CYRIB: variants seen among roughly 807,000 people sequenced by gnomAD.
The protein encoded by CYRIB is CYFIP related Rac1 interactor B.
Under a neutral mutation model 44.2 loss-of-function variants are expected in CYRIB, and 8 were observed. That is an observed-to-expected ratio of 0.18 (90% confidence interval 0.11 to 0.33). The LOEUF (loss-of-function observed/expected upper bound fraction) is 0.33, where lower values mean the gene tolerates loss of function less well. Ranked by LOEUF, CYRIB falls within the 10% of genes least tolerant of loss-of-function variation. CYRIB has a pLI of 1.00. For synonymous variants in CYRIB, 131 were observed against 127.2 expected (o/e 1.03, Z -0.20); for missense variants, 185 against 382.8 (o/e 0.48, Z 4.31).
At chr8:129,913,017 G>C (rs1446329808) in intron 1 of CYRIB, among the ~76,000 whole-genome samples, 1 of 149,232 alleles carries the variant, frequency 6.7e-6, no homozygotes, top group African/African-American at 2.5e-5. Context: ...TGTCACCCAG[G>C]CTGGAGTGCA....
At chr8:129,967,971 T>C (rs1277934735) in intron 2 of CYRIB, among the ~76,000 whole-genome samples, 2 of 152,186 alleles carry the variant, frequency 1.3e-5, no homozygotes, top group Non-Finnish European at 2.9e-5. Context: ...CTTGGTGATT[T>C]CCCATAGTAT....
Position 129,888,477 on chromosome 8 carries a change from T to C in CYRIB, c.-10-9006A>G, listed in dbSNP as rs140617472. Among the ~76,000 whole-genome samples the C allele has an allele frequency of 5.9e-5, 9 of 152,268 alleles. No homozygotes were observed. In the East Asian group the frequency reaches 1.4e-3, roughly 23 times the overall value. ...CGACACACTCTGGCCTCATCTTTCT[T>C]TACTCTCCACTGCACACATGCGCAT... On this transcript the variant is annotated intron_variant, in intron 2 of 11. Coordinates refer to ENST00000519824, the Ensembl canonical transcript of CYRIB.
intron 1 of CYRIB, among the ~76,000 whole-genome samples, chr8:129,923,610 C>T (rs2085297695): frequency 6.6e-6 from 1 of 152,032 alleles, no homozygotes. Context: ...ATACACTTCC[C>T]TCACACGTCA....
chr8:129,954,326 G>C (rs951467665), intron 2 of CYRIB, among the ~76,000 whole-genome samples: 1 of 152,114 alleles, frequency 6.6e-6, no homozygotes, highest in East Asian at 1.9e-4. Context: ...AGGTTCAAGC[G>C]ATTCTCCTGC....
Position 129,924,314 on chromosome 8 carries a change from G to GGGGGGGA in CYRIB, c.-50+15293_-50+15294insTCCCCCC, listed in dbSNP as rs1554645242. ...ACCGGGGGGGGGGGGGGTGGCGGGG[G>GGGGGGGA]GGGTGTTACTTACCTCACATCAGTG... is the stretch of plus-strand genomic sequence containing the variant. On this transcript the variant is annotated intron_variant, in intron 1 of 11. Coordinates refer to ENST00000519824, the Ensembl canonical transcript of CYRIB. 4.6e-4 allele frequency among the ~76,000 whole-genome samples: 16 copies of GGGGGGGA among 34,940 alleles called. 2 individuals carry two copies. The highest frequency in any genetic ancestry group is 1.0e-3 in the East Asian group (1 of 968). The allele number at this position is 34,940 out of a possible 152,430, so 22.9% of individuals were successfully genotyped here. A position where few individuals can be genotyped will look rare whatever the true frequency, so the allele number is the denominator to read the frequency against.
exon 4 of CYRIB, chr8:129,871,432 T>G: frequency 1.2e-6 from 2 of 1,611,514 alleles, no homozygotes; most frequent in East Asian, 4.5e-5. Context: ...AGATGCCTTC[T>G]GCATCTTTTA....
intron 4 of CYRIB, among the ~76,000 whole-genome samples, chr8:129,863,234 T>A (rs2050935822): frequency 6.6e-6 from 1 of 152,074 alleles, no homozygotes; most frequent in African/African-American, 2.4e-5. Context: ...AACTGTGATT[T>A]AAGAATTGTC....
intron 2 of CYRIB, among the ~76,000 whole-genome samples, chr8:129,968,040 C>A (rs184952349): frequency 6.6e-6 from 1 of 152,184 alleles, no homozygotes; most frequent in African/African-American, 2.4e-5. Context: ...AATCCCAGAT[C>A]CATCACTTAC....
chr8:130,003,184 C>A (rs1013439934), intron 1 of CYRIB, among the ~76,000 whole-genome samples: 4 of 152,232 alleles, frequency 2.6e-5, no homozygotes, highest in Non-Finnish European at 4.4e-5. Context: ...TGCCACTACA[C>A]TCCAGCCTAG....
chr8:129,893,710 TA>T (rs1564749461), intron 2 of CYRIB, among the ~76,000 whole-genome samples: 3 of 152,098 alleles, frequency 2.0e-5, no homozygotes, highest in Non-Finnish European at 4.4e-5. Context: ...TTAAAAAAAT[TA>T]TTAGATAGAG....
intron 1 of CYRIB, among the ~76,000 whole-genome samples, chr8:129,998,711 A>C (rs1219875010): frequency 2.0e-5 from 3 of 151,712 alleles, no homozygotes. Flanking sequence ...AGCTCACTGC[A>C]ACCTCTGCCT....
At chr8:129,952,418 G>A (rs902370096) in intron 2 of CYRIB, among the ~76,000 whole-genome samples, 3 of 151,974 alleles carry the variant, frequency 2.0e-5, no homozygotes, top group Middle Eastern at 3.2e-3. Context: ...CAATAAATAC[G>A]TAATAAAGTT....
Position 130,003,838 on chromosome 8 carries a change from C to G in CYRIB, c.-296+12532G>C, listed in dbSNP as rs185695164. Among the ~76,000 whole-genome samples, 699 of 152,268 alleles carry G rather than the reference C, an allele frequency of 4.6e-3. 5 individuals are homozygous for G. The highest frequency in any genetic ancestry group is 0.016 in the African/African-American group (679 of 41,540). ...TCATTTATTCTGAGACAGGTCCACT[C>G]AGGCAGGGCCTCAAGGACTATGGGA... On this transcript the variant is annotated intron_variant, in intron 1 of 14. Coordinates refer to the CYRIB transcript ENST00000401979.
chr8:129,967,431 G>C (rs1459356335), intron 2 of CYRIB, among the ~76,000 whole-genome samples: 2 of 151,514 alleles, frequency 1.3e-5, no homozygotes, highest in East Asian at 3.9e-4. Context: ...CCAGGCTGGA[G>C]TGCAGTGGCG....
chr8:129,862,093 C>T, intron 5 of CYRIB, 136 bp downstream of exon 7: 1 of 627,832 alleles, frequency 1.6e-6, no homozygotes. Flanking sequence ...ATCTTACAGT[C>T]TAACAAGCTT....
chr8:129,986,764 A>C (rs1488056599), intron 1 of CYRIB, among the ~76,000 whole-genome samples: 1 of 152,180 alleles, frequency 6.6e-6, no homozygotes, highest in Non-Finnish European at 1.5e-5. Flanking sequence ...CCTTTTCTTT[A>C]TAAGTTACGC....
chr8:129,967,602 AT>A (rs1344260650), intron 2 of CYRIB, among the ~76,000 whole-genome samples: 6 of 151,410 alleles, frequency 4.0e-5, no homozygotes, highest in Non-Finnish European at 8.8e-5. Flanking sequence ...GATGGTCTCG[AT>A]CTCCTGACCT....
intron 1 of CYRIB, among the ~76,000 whole-genome samples, chr8:130,001,525 C>CTTTTTTTTTTTTT (rs1325066581): frequency 8.3e-6 from 1 of 120,348 alleles, no homozygotes; most frequent in Non-Finnish European, 1.7e-5. Context: ...AAAATAATTT[C>CTTTTTTTTTTTTT]TTTTTTTTTT....
rs150543844 is a variant in CYRIB at position 129,891,026 on chromosome 8, T to C, written c.-10-11555A>G. 7.4e-3 allele frequency among the ~76,000 whole-genome samples: 1,132 copies of C among 152,290 alleles called. 5 individuals are homozygous for C. Among genetic ancestry groups the C allele is most frequent in the Middle Eastern group, 0.034 (10 of 294 alleles). On this transcript the variant is annotated intron_variant, in intron 2 of 11. Coordinates refer to ENST00000519824, the Ensembl canonical transcript of CYRIB. Reference sequence around the variant, plus strand: ...CAAAGGGATCTTTCAAGTCCTGTCATAATTTCTTCCAGCAGTAAGACAGCT... The same window carrying C: ...CAAAGGGATCTTTCAAGTCCTGTCACAATTTCTTCCAGCAGTAAGACAGCT...
Sources: gnomAD v4.1 joint callset for allele counts (sites outside exome capture counted in the v4.1 genomes callset) on GRCh38, gnomAD v4.1.1 for gene constraint, MANE v1.5 for transcripts, NCBI Gene and HGNC (gene_info 2026-07-23, HGNC 2026-07-21) for gene names.